Variants in IFNG observed in about 807,000 individuals in gnomAD.
The protein encoded by IFNG is IFN-gamma.
Under a neutral mutation model 14.4 loss-of-function variants are expected in IFNG, and 8 were observed. That is an observed-to-expected ratio of 0.56 (90% CI 0.33 to 1.00). The LOEUF (loss-of-function observed/expected upper bound fraction) is 1.00. Ranked by LOEUF, IFNG falls within the 50% of genes least tolerant of loss-of-function variation. The probability of loss-of-function intolerance (pLI) is 0.03; values close to 1 mark genes in which losing one functional copy is unlikely to be tolerated. For missense variants in IFNG, 132 were observed against 194.9 expected, an observed-to-expected ratio of 0.68 and a Z score of 1.92; for synonymous variants, 73 against 65.4, an observed-to-expected ratio of 1.12 and a Z score of -0.56.
chr12:68,158,284 G>C (rs1456318352), intron 1 of IFNG, 25 bp from the exon 2 acceptor site: 4 of 1,514,934 alleles, frequency 2.6e-6, no homozygotes, highest in Non-Finnish European at 2.7e-6. Flanking sequence ...AGAAAAAATT[G>C]GTTTACAATT....
At chr12:68,157,869 G>A (rs369437079) in intron 3 of IFNG, 44 bp downstream of exon 3, 6 of 1,392,344 alleles carry the variant, frequency 4.3e-6, no homozygotes, top group Non-Finnish European at 6.0e-6. Context: ...TGCTTTGCAA[G>A]ACCCTCGGCA....
chr12:68,159,720 T>C lies in IFNG; in HGVS notation c.-105A>G. 1 of 603,946 alleles carries C rather than the reference T, an allele frequency of 1.7e-6. No individual in the cohort carries two copies. Among genetic ancestry groups the C allele is most frequent in the Non-Finnish European group, 3.1e-6 (1 of 326,602 alleles). 37.4% of individuals were successfully genotyped at this position (603,946 alleles called of 1,614,324 possible). On this transcript the variant is annotated 5_prime_UTR_variant, in exon 1 of 4. Transcript: ENST00000229135. ...GATCTTTCTCTTCTAATAGCTGATC[T>C]TCAGATGATCAGAACAATGTGCTGC... is the stretch of plus-strand genomic sequence containing the variant.
chr12:68,155,878 T>G (rs2120740067), intron 3 of IFNG, among the ~76,000 whole-genome samples: 1 of 152,358 alleles, frequency 6.6e-6, no homozygotes, highest in East Asian at 1.9e-4. Flanking sequence ...ACTGTTTCTA[T>G]GACCTCTCTA....
At chr12:68,155,573 A>G (rs895808188) in intron 3 of IFNG, 86 bp from the exon 4 acceptor site, 2 of 1,272,004 alleles carry the variant, frequency 1.6e-6, no homozygotes, top group African/African-American at 3.0e-5. Context: ...CAGTGAAAAT[A>G]AAAGTATTCC....
At chr12:68,158,469 T>C (rs1237766963) in intron 1 of IFNG, among the ~76,000 whole-genome samples, 1 of 152,154 alleles carries the variant, frequency 6.6e-6, no homozygotes, top group African/African-American at 2.4e-5. Context: ...TATTTCCCAA[T>C]ATAACCATTA....
chr12:68,155,881 CCTCT>C (rs954401961), intron 3 of IFNG, among the ~76,000 whole-genome samples: 9 of 152,284 alleles, frequency 5.9e-5, no homozygotes, highest in East Asian at 5.8e-4. Flanking sequence ...GTTTCTATGA[CCTCT>C]CTATCATCAA....
rs149321724 is a variant in IFNG at position 68,159,300 on chromosome 12, G to A, written c.114+202C>T. On this transcript the variant is annotated intron_variant, in intron 1 of 3. Coordinates refer to ENST00000229135, the MANE Select transcript of IFNG (RefSeq NM_000619.3). ...TGGAAAATTCATAAATCCCTTTTAA[G>A]TCTCTATACAAACTGAGCAGAAGGT... is the stretch of plus-strand genomic sequence containing the variant. Among the ~76,000 whole-genome samples the A allele has an allele frequency of 2.6e-3, 392 of 152,164 alleles. 22 individuals carry two copies. Among genetic ancestry groups the A allele is most frequent in the Admixed American group, 0.023 (350 of 15,278 alleles).
rs1882582409 is a variant in IFNG at position 68,155,224 on chromosome 12, A to T, written c.*129T>A. The T allele has an allele frequency of 1.9e-6, 1 of 536,782 alleles. No homozygotes were observed. The highest frequency in any genetic ancestry group is 3.1e-6 in the Non-Finnish European group (1 of 324,382). The allele number at this position is 536,782 out of a possible 1,614,324, so 33.3% of individuals were successfully genotyped here. ...ATATTAATAGATATTCATTTTCATT[A>T]CACAAAAGTTGCTATTATAAATACT... is the stretch of plus-strand genomic sequence containing the variant. On this transcript the variant is annotated 3_prime_UTR_variant, in exon 4 of 4. Coordinates refer to ENST00000229135, the MANE Select transcript of IFNG (RefSeq NM_000619.3).
At position 68,158,023 on chromosome 12, in the gene IFNG, C is replaced by G; in HGVS notation, c.256G>C (p.Asp86His). The change falls in exon 3 of 4, where the codon GAC becomes CAC. Residue 86 changes from aspartate to histidine, a missense_variant. Transcript: ENST00000229135. ...YFKLFKNFKD[D>H]QSIQKSVETI... ...TCCACACTCTTTTGGATGCTCTGGT[C>G]ATCTTTAAAGTTTTTAAAAAGTTTG... 6.2e-7 allele frequency: 1 copy of G among 1,610,442 alleles called. No homozygotes were observed. The highest frequency in any genetic ancestry group is 8.5e-7 in the Non-Finnish European group (1 of 1,177,738).
intron 1 of IFNG, 69 bp downstream of exon 1, chr12:68,159,433 G>T (rs969081056): frequency 1.6e-4 from 113 of 727,502 alleles, no homozygotes; most frequent in Non-Finnish European, 2.6e-4. Context: ...GCCTATCAGA[G>T]ATGCTACAGC....
chr12:68,155,567 G>A, intron 3 of IFNG, 80 bp from the exon 4 acceptor site: 1 of 1,293,604 alleles, frequency 7.7e-7, no homozygotes, highest in Non-Finnish European at 1.1e-6. Flanking sequence ...GATGGTCAGT[G>A]AAAATAAAAG....
chr12:68,158,783 G>A (rs1209660543), intron 1 of IFNG, among the ~76,000 whole-genome samples: 1 of 151,918 alleles, frequency 6.6e-6, no homozygotes, highest in East Asian at 1.9e-4. Flanking sequence ...AATTGTGAAT[G>A]TCTGAATATT....
chr12:68,157,066 C>T (rs574423665), intron 3 of IFNG, among the ~76,000 whole-genome samples: 9 of 152,204 alleles, frequency 5.9e-5, no homozygotes, highest in Admixed American at 2.0e-4. Context: ...TATGCCTCAA[C>T]GTTATCTTTC....
chr12:68,157,474 C>T (rs1370670778), intron 3 of IFNG, among the ~76,000 whole-genome samples: 2 of 152,190 alleles, frequency 1.3e-5, no homozygotes, highest in African/African-American at 4.8e-5. Context: ...TGTGATTCAT[C>T]ACAGTTCCTT....
In IFNG at chr12:68,155,369, C is replaced by T. The variant is rs573063245; in HGVS notation, c.485G>A (p.Arg162Gln). 8.1e-6 allele frequency: 13 copies of T among 1,608,766 alleles called. No homozygotes were observed. Among genetic ancestry groups the T allele is most frequent in the African/African-American group, 1.3e-5 (1 of 74,856 alleles). Residue 162 changes from arginine to glutamine, a missense_variant, in exon 4 of 4, where the codon CGA (arginine) becomes CAA (glutamine). Physicochemically the swap from Arg to Gln is conservative, Grantham distance 43. Transcript: ENST00000229135. Reference sequence around the variant, plus strand: ...GGACAACCATTACTGGGATGCTCTTCGACCTCGAAACAGCATCTGACTCCT... The same window carrying T: ...GGACAACCATTACTGGGATGCTCTTTGACCTCGAAACAGCATCTGACTCCT... ...RKRSQMLFRG[R>Q]RASQ
At chr12:68,155,996 G>A (rs913628754) in intron 3 of IFNG, among the ~76,000 whole-genome samples, 6 of 152,040 alleles carry the variant, frequency 3.9e-5, no homozygotes, top group Admixed American at 6.6e-5. Context: ...AGATTAATCC[G>A]GAAACCTGTC....
In IFNG at chr12:68,158,714, A is replaced by AGTGTGTGTGT. The variant is rs34079299; in HGVS notation, c.115-465_115-456dup. ...TAAAAGATAGTTCCAAACATGTGCG[A>AGTGTGTGTGT]GTGTGTGTGTGTGTGTGTGTGTGTG... On this transcript the variant is annotated intron_variant, in intron 1 of 3. Transcript: ENST00000229135. Among the ~76,000 whole-genome samples the AGTGTGTGTGT allele has an allele frequency of 1.7e-3, 254 of 148,800 alleles. 5 individuals carry two copies. In the East Asian group the frequency reaches 0.036, roughly 21 times the overall value.
At chr12:68,159,028 T>G (rs1882646199) in intron 1 of IFNG, among the ~76,000 whole-genome samples, 1 of 152,182 alleles carries the variant, frequency 6.6e-6, no homozygotes, top group African/African-American at 2.4e-5. Context: ...TGAAATCACT[T>G]TTTGGAGAAA....
chr12:68,157,824 G>C, intron 3 of IFNG, 89 bp downstream of exon 3: 1 of 953,696 alleles, frequency 1.0e-6, no homozygotes, highest in Non-Finnish European at 1.6e-6. Context: ...TTTAGCAACT[G>C]TTAAATAGCT....
Sources: gnomAD v4.1 joint callset for allele counts (sites outside exome capture counted in the v4.1 genomes callset) on GRCh38, gnomAD v4.1.1 for gene constraint, MANE v1.5 for transcripts, NCBI Gene and HGNC (gene_info 2026-07-23, HGNC 2026-07-21) for gene names.